Variants in PCDHGA6 observed in about 807,000 individuals in gnomAD.
PCDHGA6 encodes the protein protocadherin gamma-A6.
A neutral mutation model predicts 60.6 loss-of-function variants in PCDHGA6; 41 were observed. The observed-to-expected ratio is 0.68, with a 90% CI of 0.53 to 0.88. PCDHGA6 has a LOEUF of 0.88. Ranked by LOEUF, PCDHGA6 falls within the 40% of genes least tolerant of loss-of-function variation. The pLI, the probability that PCDHGA6 is intolerant of heterozygous loss-of-function variation, is 0.00. For synonymous variants in PCDHGA6, 594 were observed against 524.4 expected, an observed-to-expected ratio of 1.13 and a Z score of -1.81; for missense variants, 1,312 against 1,203.0, an observed-to-expected ratio of 1.09 and a Z score of -1.34.
Position 141,419,080 on chromosome 5 carries a change from T to G in PCDHGA6, c.2424+42573T>G, listed in dbSNP as rs1286490083. The G allele has an allele frequency of 3.1e-6, 5 of 1,613,842 alleles. No individual in the cohort carries two copies. The South Asian group carries it at 5.5e-5, about 18-fold the overall frequency. On this transcript the variant is annotated intron_variant, in intron 1 of 3. Transcript: ENST00000517434. ...ATAATTACTACAAGCTAGTAACAGA[T>G]GAGGCCCTGGATCGGGAGCAGACCC... is the stretch of plus-strand genomic sequence containing the variant.
intron 3 of PCDHGA6, among the ~76,000 whole-genome samples, chr5:141,509,049 C>G (rs1384134813): frequency 3.3e-5 from 5 of 152,150 alleles, no homozygotes; most frequent in Non-Finnish European, 5.9e-5. Context: ...TCCCCCGCCC[C>G]CAGAAAGCTC....
intron 1 of PCDHGA6, chr5:141,413,021 C>A: frequency 2.8e-6 from 2 of 714,374 alleles, no homozygotes; most frequent in Non-Finnish European, 4.4e-6. Context: ...TACACAAGCC[C>A]CACAAACCGG....
chr5:141,381,233 C>T (rs978967101), intron 1 of PCDHGA6, among the ~76,000 whole-genome samples: 1 of 152,276 alleles, frequency 6.6e-6, no homozygotes, highest in African/African-American at 2.4e-5. Flanking sequence ...CCACCAACTA[C>T]TCTCCAGGAC....
At chr5:141,415,504 C>A in intron 1 of PCDHGA6, 2 of 1,614,216 alleles carry the variant, frequency 1.2e-6, no homozygotes, top group Non-Finnish European at 1.7e-6. Context: ...CTTCCCCCAG[C>A]CCAATTATGC....
intron 1 of PCDHGA6, chr5:141,484,865 G>A (rs1431313212): frequency 3.6e-6 from 1 of 278,548 alleles, no homozygotes; most frequent in Non-Finnish European, 6.7e-6. Flanking sequence ...GGGTGGGGGA[G>A]CGTGGAGGAT....
intron 1 of PCDHGA6, chr5:141,478,529 A>G: frequency 6.2e-7 from 1 of 1,609,580 alleles, no homozygotes; most frequent in Non-Finnish European, 8.5e-7. Flanking sequence ...GGGTGCAGAG[A>G]GCGCCCCTCC....
Position 141,374,345 on chromosome 5 carries a change from G to A in PCDHGA6, c.262G>A (p.Gly88Ser), listed in dbSNP as rs1221134827. The change falls in exon 1 of 4, where the codon GGT (glycine) becomes AGT (serine). Residue 88 changes from glycine to serine, a missense_variant. Coordinates refer to ENST00000517434, the MANE Select transcript of PCDHGA6 (RefSeq NM_018919.3). The stretch of plus-strand genomic sequence containing the variant: ...GCGAAACGGCAGCTTGGTCACCGCG[G>A]GTAGGATAGACCGCGAGGAGCTCTG... ...NPRNGSLVTA[G>S]RIDREELCAQ... 8.1e-6 allele frequency: 13 copies of A among 1,614,018 alleles called. No homozygotes were observed. Among genetic ancestry groups the A allele is most frequent in the Non-Finnish European group, 1.1e-5 (13 of 1,179,892 alleles).
chr5:141,432,073 C>T lies in PCDHGA6; in HGVS notation c.2424+55566C>T, dbSNP rs1276949951. On this transcript the variant is annotated intron_variant, in intron 1 of 3. Transcript: ENST00000517434. This position sits in a 1 kb window ranked among gnomAD's most constrained non-coding sequence, Gnocchi z 6.0. ...CGCCCCTATCCACGGAAACTCATAT[C>T]TCGCTGAACGTGGCAGACACCAACG... is the stretch of plus-strand genomic sequence containing the variant. 3.1e-6 allele frequency: 5 copies of T among 1,614,208 alleles called. No homozygotes were observed. Among genetic ancestry groups the T allele is most frequent in the Non-Finnish European group, 4.2e-6 (5 of 1,180,040 alleles).
chr5:141,397,047 G>T (rs180929307), intron 1 of PCDHGA6, among the ~76,000 whole-genome samples: 4 of 152,276 alleles, frequency 2.6e-5, no homozygotes, highest in Admixed American at 2.0e-4. Flanking sequence ...TTATGTAAAT[G>T]AACTTATGAG....
intron 1 of PCDHGA6, chr5:141,484,931 A>G (rs940135310): frequency 1.4e-5 from 7 of 497,998 alleles, no homozygotes; most frequent in Non-Finnish European, 2.5e-5. Flanking sequence ...TGCTGTTGGG[A>G]CGTTCTCTGC....
chr5:141,487,880 G>T lies in PCDHGA6; in HGVS notation c.2425-6927G>T, dbSNP rs1008153773. ...ATTGGTGATCAAGAGCCAGGCTGTTGTGGAAGCATGATGATGGAATGTGGG... is the reference window on the plus strand; with the variant it reads ...ATTGGTGATCAAGAGCCAGGCTGTTTTGGAAGCATGATGATGGAATGTGGG... On this transcript the variant is annotated intron_variant, in intron 1 of 3. Transcript: ENST00000517434. The surrounding 1 kb of genome is among the most constrained non-coding windows in gnomAD (Gnocchi z 5.0). The T allele has an allele frequency of 3.8e-6, 3 of 784,896 alleles. No individual in the cohort carries two copies. Among genetic ancestry groups the T allele is most frequent in the Non-Finnish European group, 6.0e-6 (3 of 497,074 alleles). 48.6% of individuals were successfully genotyped at this position (784,896 alleles called of 1,614,324 possible).
chr5:141,497,954 G>A (rs1203635313), intron 2 of PCDHGA6, among the ~76,000 whole-genome samples: 7 of 152,198 alleles, frequency 4.6e-5, no homozygotes, highest in Non-Finnish European at 1.5e-5. Context: ...CTTTCTGTTG[G>A]CCAGGCAGTG....
At position 141,415,641 on chromosome 5, in the gene PCDHGA6, TAA is replaced by T. The variant is rs113784532; in HGVS notation, c.2424+39144_2424+39145del. On this transcript the variant is annotated intron_variant, in intron 1 of 3. Transcript: ENST00000517434. ...GTTTTATTTTCATTTTTACTTTTGT[TAA>T]AAAAAAAAAGATTGGTTTTTACTTT... is the stretch of plus-strand genomic sequence containing the variant. 3.1e-5 allele frequency: 40 copies of T among 1,280,748 alleles called. No homozygotes were observed. The African/African-American group carries it at 4.6e-4, about 15-fold the overall frequency. 79.3% of individuals were successfully genotyped at this position (1,280,748 alleles called of 1,614,324 possible).
intron 1 of PCDHGA6, chr5:141,398,109 G>T: frequency 6.3e-7 from 1 of 1,594,204 alleles, no homozygotes; most frequent in Non-Finnish European, 8.5e-7. Context: ...TGGTGAGCAA[G>T]CTGAGGAGAG....
At chr5:141,423,499 G>T (rs1590485367) in intron 1 of PCDHGA6, 1 of 1,613,966 alleles carries the variant, frequency 6.2e-7, no homozygotes, top group Non-Finnish European at 8.5e-7. Context: ...TTCCCACGAG[G>T]TCTCTCTCAT....
intron 1 of PCDHGA6, chr5:141,427,047 C>T (rs1196561600): frequency 1.1e-5 from 5 of 457,294 alleles, no homozygotes; most frequent in Non-Finnish European, 1.8e-5. Flanking sequence ...GAATGTGCCC[C>T]CAGGCACCTC....
chr5:141,507,554 A>C (rs1384910590), intron 3 of PCDHGA6, among the ~76,000 whole-genome samples: 2 of 152,258 alleles, frequency 1.3e-5, no homozygotes, highest in African/African-American at 4.8e-5. Context: ...TGAAAGTGGC[A>C]GGCGGCTGGG....
chr5:141,423,605 T>G lies in PCDHGA6; in HGVS notation c.2424+47098T>G. The G allele has an allele frequency of 1.6e-5, 26 of 1,612,620 alleles. No individual in the cohort carries two copies. Among genetic ancestry groups the G allele is most frequent in the Non-Finnish European group, 2.0e-5 (24 of 1,179,120 alleles). On this transcript the variant is annotated intron_variant, in intron 1 of 3. Transcript: ENST00000517434. Reference sequence around the variant, plus strand: ...AGCTGTGAGAAAAGCGAGCCACTCTTGATAGCTGAAGACTCAGCTATCATT... The same window carrying G: ...AGCTGTGAGAAAAGCGAGCCACTCTGGATAGCTGAAGACTCAGCTATCATT...
Position 141,414,386 on chromosome 5 carries a change from G to A in PCDHGA6, c.2424+37879G>A, listed in dbSNP as rs746637010. On this transcript the variant is annotated intron_variant, in intron 1 of 3. Transcript: ENST00000517434. ...TTTAAATTAGAAAAGTCCATTGACA[G>A]TTATTACAGATTGGTGATACACAGA... is the stretch of plus-strand genomic sequence containing the variant. The A allele has an allele frequency of 1.9e-6, 3 of 1,613,906 alleles. No homozygotes were observed. The Admixed American group carries it at 5.0e-5, about 27-fold the overall frequency.
Sources: gnomAD v4.1 joint callset for allele counts (sites outside exome capture counted in the v4.1 genomes callset) on GRCh38, gnomAD v4.1.1 for gene constraint, Gnocchi (gnomAD v3.1) non-coding constraint, MANE v1.5 for transcripts, NCBI Gene and HGNC (gene_info 2026-07-23, HGNC 2026-07-21) for gene names.